The following PRR11 variants were observed in gnomAD, a reference collection of about 807,000 sequenced individuals.
The protein encoded by PRR11 is proline-rich protein 11.
A neutral mutation model predicts 45.6 loss-of-function variants in PRR11; 30 were observed. The ratio of observed to expected loss-of-function variants is 0.66; its 90% confidence interval spans 0.49 to 0.89. The LOEUF is 0.89. Ranked by LOEUF, PRR11 falls within the 40% of genes least tolerant of loss-of-function variation. The probability of loss-of-function intolerance (pLI) is 0.00; values close to 1 mark genes in which losing one functional copy is unlikely to be tolerated. For missense variants in PRR11, 373 were observed against 424.8 expected (o/e 0.88, Z 1.07); for synonymous variants, 128 against 153.5 (o/e 0.83, Z 1.23).
intron 1 of PRR11, chr17:59,160,860 A>G (rs958584361): frequency 6.6e-6 from 1 of 150,876 alleles, no homozygotes; most frequent in Non-Finnish European, 1.5e-5. Flanking sequence ...CACCCTTCAG[A>G]GTGGCTAGGA....
At chr17:59,188,141 G>A (rs1268050783) in intron 4 of PRR11, among the ~76,000 whole-genome samples, 1 of 152,112 alleles carries the variant, frequency 6.6e-6, no homozygotes, top group Non-Finnish European at 1.5e-5. Flanking sequence ...TAAAAGTCAG[G>A]TTTCCTATTA....
At position 59,197,621 on chromosome 17, in the gene PRR11, C is replaced by A. The variant is rs1216326976; in HGVS notation, c.917+18C>A. 3.1e-6 allele frequency: 5 copies of A among 1,612,062 alleles called. No homozygotes were observed. Among genetic ancestry groups the A allele is most frequent in the Non-Finnish European group, 4.2e-6 (5 of 1,178,110 alleles). ...GTAGAGAGGTAATACACTCTCATAT[C>A]TTTATGCCTTCTACGTCCATTTTAA... On this transcript the variant is annotated intron_variant, in intron 8 of 9. Transcript: ENST00000262293.
At chr17:59,192,241 C>T (rs2046843198) in intron 4 of PRR11, among the ~76,000 whole-genome samples, 1 of 151,976 alleles carries the variant, frequency 6.6e-6, no homozygotes, top group Admixed American at 6.6e-5. Flanking sequence ...GGAGTGCTGA[C>T]AGCTACTAGA....
In PRR11 at chr17:59,185,519, G is replaced by A. The variant is rs140414644; in HGVS notation, c.359G>A (p.Cys120Tyr). The A allele has an allele frequency of 3.7e-6, 6 of 1,610,426 alleles. No individual in the cohort carries two copies. The highest frequency in any genetic ancestry group is 5.1e-6 in the Non-Finnish European group (6 of 1,179,012). ...CTTTACAGTGTAAAACAACAGTTTT[G>A]CATTTTGGAAAGTAAATTATGCAAG... is the stretch of plus-strand genomic sequence containing the variant. ...RELYSVKQQFCILESKLCKLQ... is the reference protein window; with the variant it reads ...RELYSVKQQFYILESKLCKLQ... Residue 120 changes from cysteine to tyrosine, a missense_variant, in exon 4 of 10, where the codon TGC becomes TAC. Cys to Tyr is a radical substitution (Grantham distance 194). Coordinates refer to ENST00000262293, the MANE Select transcript of PRR11 (RefSeq NM_018304.4).
At chr17:59,180,621 T>C (rs2046779567) in intron 2 of PRR11, among the ~76,000 whole-genome samples, 1 of 151,200 alleles carries the variant, frequency 6.6e-6, no homozygotes, top group African/African-American at 2.5e-5. Flanking sequence ...TTCTCCTGTC[T>C]CAGCCTCCCA....
chr17:59,181,051 G>A lies in PRR11; in HGVS notation c.129-4003G>A, dbSNP rs375740453. Among the ~76,000 whole-genome samples, 40 of 151,152 alleles carry A rather than the reference G, an allele frequency of 2.6e-4. 1 individual carries two copies. In the East Asian group the frequency reaches 3.3e-3, roughly 13 times the overall value. On this transcript the variant is annotated intron_variant, in intron 2 of 9. Transcript: ENST00000262293. ...GTCACCCAGGCTGGAGTGTAGTGGC[G>A]CGATCTCAGCTCACTGCAAGCAACA...
At chr17:59,166,814 T>A (rs890872027) in intron 1 of PRR11, among the ~76,000 whole-genome samples, 1 of 152,194 alleles carries the variant, frequency 6.6e-6, no homozygotes, top group Non-Finnish European at 1.5e-5. Context: ...GTGTATCAAG[T>A]GGCATTGCCA....
At chr17:59,162,016 G>A (rs986949603) in intron 1 of PRR11, among the ~76,000 whole-genome samples, 2 of 152,118 alleles carry the variant, frequency 1.3e-5, no homozygotes, top group Admixed American at 1.3e-4. Context: ...TGTTTTGACT[G>A]AGGTAGAAAT....
At chr17:59,196,320 C>T (rs7206982) in intron 7 of PRR11, among the ~76,000 whole-genome samples, 66,120 of 151,900 alleles carry the variant, frequency 0.44, 16,227 homozygotes, top group African/African-American at 0.68. Flanking sequence ...TTCCAAGACA[C>T]ACTAGTTTTC....
At chr17:59,156,148 A>G (rs1328644228) in intron 1 of PRR11, among the ~76,000 whole-genome samples, 1 of 152,154 alleles carries the variant, frequency 6.6e-6, no homozygotes, top group African/African-American at 2.4e-5. Context: ...AAATTATCGG[A>G]CTCCACCCAA....
chr17:59,173,022 A>G (rs2046719206), intron 2 of PRR11, among the ~76,000 whole-genome samples: 1 of 152,214 alleles, frequency 6.6e-6, no homozygotes, highest in Non-Finnish European at 1.5e-5. Context: ...ATGTCTAGCT[A>G]AGGGATTGTG....
At position 59,202,108 on chromosome 17, in the gene PRR11, C is replaced by A; in HGVS notation, c.*477C>A. ...CATACTGTGATATAAAGTGTATATA[C>A]AGATATTTGGATATTTTCTAGTTTG... On this transcript the variant is annotated 3_prime_UTR_variant, in exon 10 of 10. Transcript: ENST00000262293. 1 of 153,498 alleles carries A rather than the reference C, an allele frequency of 6.5e-6. No individual in the cohort carries two copies. The highest frequency in any genetic ancestry group is 1.5e-5 in the Non-Finnish European group (1 of 68,864). 9.5% of individuals were successfully genotyped at this position (153,498 alleles called of 1,614,324 possible).
At chr17:59,197,387 G>T (rs1050073113) in intron 7 of PRR11, among the ~76,000 whole-genome samples, 157 bp from the exon 8 acceptor site, 7 of 151,934 alleles carry the variant, frequency 4.6e-5, no homozygotes, top group African/African-American at 1.7e-4. Context: ...GAGTAGCTGG[G>T]ACTACAGGCG....
intron 2 of PRR11, among the ~76,000 whole-genome samples, chr17:59,171,115 T>C (rs78668611): frequency 6.6e-6 from 1 of 151,560 alleles, no homozygotes; most frequent in African/African-American, 2.4e-5. Flanking sequence ...AAAAAAAAAT[T>C]AGCCGGGCGC....
chr17:59,200,453 C>CTT (rs771750877), intron 9 of PRR11, among the ~76,000 whole-genome samples: 2 of 147,958 alleles, frequency 1.4e-5, no homozygotes, highest in Non-Finnish European at 3.0e-5. Context: ...TAAATTAGGA[C>CTT]TTTTTTTTTT....
At chr17:59,162,280 G>A (rs1314690462) in intron 1 of PRR11, among the ~76,000 whole-genome samples, 10 of 150,728 alleles carry the variant, frequency 6.6e-5, no homozygotes, top group African/African-American at 2.2e-4. Flanking sequence ...AAAGAAATAT[G>A]ACTTAGTTCC....
chr17:59,173,806 G>A (rs1026082401), intron 2 of PRR11, among the ~76,000 whole-genome samples: 5 of 152,166 alleles, frequency 3.3e-5, no homozygotes, highest in African/African-American at 1.2e-4. Flanking sequence ...AACAGTCCAG[G>A]TTCTTCTAGA....
chr17:59,182,504 G>A (rs915815301), intron 2 of PRR11, among the ~76,000 whole-genome samples: 4 of 145,866 alleles, frequency 2.7e-5, no homozygotes, highest in African/African-American at 1.0e-4. Flanking sequence ...TGATTCTCCT[G>A]TCTCAGCCTC....
intron 1 of PRR11, among the ~76,000 whole-genome samples, chr17:59,158,557 A>G (rs2046636863): frequency 6.6e-6 from 1 of 152,232 alleles, no homozygotes; most frequent in Non-Finnish European, 1.5e-5. Flanking sequence ...GTATGTATAT[A>G]TTTGTACATA....
Sources: gnomAD v4.1 joint callset for allele counts (sites outside exome capture counted in the v4.1 genomes callset) on GRCh38, gnomAD v4.1.1 for gene constraint, MANE v1.5 for transcripts, NCBI Gene and HGNC (gene_info 2026-07-23, HGNC 2026-07-21) for gene names.